The following CRADD variants were observed in gnomAD, a reference collection of about 807,000 sequenced individuals.
The protein encoded by CRADD is death domain-containing protein CRADD.
A neutral mutation model predicts 15.5 loss-of-function variants in CRADD; 9 were observed. That is an observed-to-expected ratio of 0.58 (90% CI 0.35 to 1.01). CRADD has a LOEUF of 1.01. Ranked by LOEUF, CRADD falls within the 50% of genes least tolerant of loss-of-function variation. CRADD has a pLI of 0.02. For missense variants in CRADD, 227 were observed against 250.3 expected, an observed-to-expected ratio of 0.91 and a Z score of 0.63; for synonymous variants, 118 against 107.6, an observed-to-expected ratio of 1.10 and a Z score of -0.60.
chr12:93,743,136 GTAACT>G (rs1183355459), intron 2 of CRADD, among the ~76,000 whole-genome samples: 6 of 152,142 alleles, frequency 3.9e-5, no homozygotes, highest in Non-Finnish European at 8.8e-5. Context: ...TAGAGTAATA[GTAACT>G]TAACTAGTAC....
At chr12:93,894,602 G>A (rs1216695155) in exon 3 of CRADD, 1 of 155,226 alleles carries the variant, frequency 6.4e-6, no homozygotes. Flanking sequence ...ATCAGCCGGA[G>A]CTGATGTGTT....
At chr12:93,878,327 C>A (rs1958471759) in intron 2 of CRADD, among the ~76,000 whole-genome samples, 1 of 152,124 alleles carries the variant, frequency 6.6e-6, no homozygotes, top group Non-Finnish European at 1.5e-5. Context: ...TGATTAGTGT[C>A]CTTTCCTGCT....
chr12:93,884,278 G>T (rs1186909933), intron 2 of CRADD, among the ~76,000 whole-genome samples: 1 of 152,150 alleles, frequency 6.6e-6, no homozygotes, highest in Admixed American at 6.5e-5. Context: ...AAGCTGTAAG[G>T]CCTAAGCAGA....
intron 2 of CRADD, among the ~76,000 whole-genome samples, chr12:93,754,003 G>A (rs1035622587): frequency 6.6e-5 from 10 of 152,256 alleles, no homozygotes; most frequent in South Asian, 4.1e-4. Flanking sequence ...CTCCATGAGC[G>A]CTCCGCCCCT....
At chr12:93,748,329 G>C (rs1424613567) in intron 2 of CRADD, among the ~76,000 whole-genome samples, 2 of 152,060 alleles carry the variant, frequency 1.3e-5, no homozygotes, top group Non-Finnish European at 2.9e-5. Context: ...ATTTGAGATG[G>C]AGTTTCACTC....
At chr12:93,882,994 C>G (rs1593060516) in intron 2 of CRADD, among the ~76,000 whole-genome samples, 1 of 152,174 alleles carries the variant, frequency 6.6e-6, no homozygotes. Flanking sequence ...TGAGTAAAAA[C>G]AGACCCAAAG....
chr12:93,822,258 G>T (rs1001686626), intron 2 of CRADD, among the ~76,000 whole-genome samples: 4 of 152,140 alleles, frequency 2.6e-5, no homozygotes, highest in Admixed American at 2.6e-4. Flanking sequence ...TGCAAAAAAG[G>T]GAAATTTGTC....
At chr12:93,859,405 G>A in intron 2 of CRADD, 1 of 455,312 alleles carries the variant, frequency 2.2e-6, no homozygotes, top group South Asian at 1.6e-5. Flanking sequence ...GATGACCTAA[G>A]GCCTCGTTAC....
chr12:93,804,187 G>A (rs1283014895), intron 2 of CRADD, among the ~76,000 whole-genome samples: 2 of 152,000 alleles, frequency 1.3e-5, no homozygotes, highest in Non-Finnish European at 2.9e-5. Flanking sequence ...CTGTAGAGTA[G>A]GCACATCTGT....
At chr12:93,871,461 G>A (rs922504048) in intron 2 of CRADD, among the ~76,000 whole-genome samples, 1 of 151,920 alleles carries the variant, frequency 6.6e-6, no homozygotes, top group Non-Finnish European at 1.5e-5. Flanking sequence ...AGTTATTATT[G>A]ACTATAGTCA....
chr12:93,851,966 A>G (rs1958227514), downstream of CRADD, among the ~76,000 whole-genome samples: 1 of 152,264 alleles, frequency 6.6e-6, no homozygotes, highest in South Asian at 2.1e-4. Flanking sequence ...AAGAGCTGCT[A>G]TGCCACAGTT....
At chr12:93,875,651 G>A (rs1471442923) in intron 2 of CRADD, among the ~76,000 whole-genome samples, 3 of 151,892 alleles carry the variant, frequency 2.0e-5, no homozygotes, top group Admixed American at 6.6e-5. Context: ...TACCAACACT[G>A]TTTGCATAAA....
intron 2 of CRADD, among the ~76,000 whole-genome samples, chr12:93,700,899 C>T (rs1955830552): frequency 1.3e-5 from 2 of 152,034 alleles, no homozygotes; most frequent in African/African-American, 4.8e-5. Flanking sequence ...CCTTCCCATA[C>T]CTTCTATGTT....
At chr12:93,812,373 C>T (rs1035510419) in intron 2 of CRADD, among the ~76,000 whole-genome samples, 4 of 152,012 alleles carry the variant, frequency 2.6e-5, no homozygotes, top group Non-Finnish European at 5.9e-5. Context: ...TATAAACTAA[C>T]TGACTAACTG....
intron 2 of CRADD, among the ~76,000 whole-genome samples, chr12:93,830,836 T>A (rs1466565728): frequency 2.0e-5 from 3 of 152,202 alleles, no homozygotes; most frequent in Non-Finnish European, 4.4e-5. Context: ...GAAGCCTAAG[T>A]TTCACAGAGA....
chr12:93,881,440 G>C lies in CRADD; in HGVS notation c.299-12610G>C, dbSNP rs1025841467. 1.0e-4 allele frequency among the ~76,000 whole-genome samples: 7 copies of C among 69,442 alleles called. No homozygotes were observed. The East Asian group carries it at 1.7e-3, about 17-fold the overall frequency. The allele number at this position is 69,442 out of a possible 152,430, so 45.6% of individuals were successfully genotyped here. On this transcript the variant is annotated intron_variant, in intron 2 of 2. Transcript: ENST00000548483. ...TCTGCAGCTCTCAAAAAAAAAGTGT[G>C]GGGGGGGGGTGGGGATCAATCCTTT...
intron 2 of CRADD, among the ~76,000 whole-genome samples, chr12:93,843,227 G>A (rs189925636): frequency 6.6e-6 from 1 of 152,280 alleles, no homozygotes; most frequent in Non-Finnish European, 1.5e-5. Flanking sequence ...GCTCTGTACA[G>A]CACATTGCCT....
chr12:93,698,059 G>A (rs532051718), intron 2 of CRADD, among the ~76,000 whole-genome samples: 1 of 152,250 alleles, frequency 6.6e-6, no homozygotes, highest in South Asian at 2.1e-4. Context: ...CCTGTTTCAG[G>A]GGAAGGTCAG....
chr12:93,806,285 T>C (rs1957536627), intron 2 of CRADD, among the ~76,000 whole-genome samples: 1 of 151,404 alleles, frequency 6.6e-6, no homozygotes, highest in East Asian at 1.9e-4. Context: ...AACCTGTCTG[T>C]ACTAAAAATA....
Sources: gnomAD v4.1 joint callset for allele counts (sites outside exome capture counted in the v4.1 genomes callset) on GRCh38, gnomAD v4.1.1 for gene constraint, MANE v1.5 for transcripts, NCBI Gene and HGNC (gene_info 2026-07-23, HGNC 2026-07-21) for gene names.